Variants in CEP250 observed in about 807,000 individuals in gnomAD.
CEP250 encodes centrosomal protein 250.
Under a neutral mutation model 315.7 loss-of-function variants are expected in CEP250, and 242 were observed. That is an observed-to-expected ratio of 0.77 (90% CI 0.69 to 0.85). The LOEUF is 0.85. Ranked by LOEUF, CEP250 falls within the 40% of genes least tolerant of loss-of-function variation. The pLI is 0.00. For synonymous variants in CEP250, 1,088 were observed against 1,175.0 expected, an observed-to-expected ratio of 0.93 and a Z score of 1.51; for missense variants, 2,515 against 2,886.4, an observed-to-expected ratio of 0.87 and a Z score of 2.95.
At position 35,503,675 on chromosome 20, in the gene CEP250, C is replaced by A; in HGVS notation, c.5306C>A (p.Thr1769Asn). The change falls in exon 30 of 35, where the codon ACC becomes AAC. Residue 1769 changes from threonine (T) to asparagine (N), a missense_variant. Physicochemically the swap from Thr to Asn is moderately conservative, Grantham distance 65. Transcript: ENST00000397527. The surrounding 1 kb of genome is among the most constrained non-coding windows in gnomAD (Gnocchi z 4.2). ...GGCCTGCACAGGAAGGTAGGTGAGACCAGCCTCCTCCTGTCCCAGCGAGAG... is the reference window on the plus strand; with the variant it reads ...GGCCTGCACAGGAAGGTAGGTGAGAACAGCCTCCTCCTGTCCCAGCGAGAG... ...LQGLHRKVGE[T>N]SLLLSQREQE... 6.2e-7 allele frequency: 1 copy of A among 1,614,004 alleles called. No individual in the cohort carries two copies. Among genetic ancestry groups the A allele is most frequent in the South Asian group, 1.1e-5 (1 of 91,076 alleles).
intron 15 of CEP250, 39 bp from the exon 16 acceptor site, chr20:35,476,409 AT>A: frequency 6.3e-7 from 1 of 1,592,334 alleles, no homozygotes; most frequent in Non-Finnish European, 8.6e-7. Flanking sequence ...TTCCAGGAAA[AT>A]TGGAAATATG....
intron 25 of CEP250, among the ~76,000 whole-genome samples, chr20:35,497,358 ACAATAAGCATT>A (rs2063867031): frequency 6.6e-6 from 1 of 152,254 alleles, no homozygotes; most frequent in African/African-American, 2.4e-5. Context: ...TGTCAGGAAC[ACAATAAGCATT>A]CAATACATGG....
At chr20:35,483,347 A>G (rs866084536) in intron 20 of CEP250, among the ~76,000 whole-genome samples, 1 of 144,922 alleles carries the variant, frequency 6.9e-6, no homozygotes, top group Non-Finnish European at 1.5e-5. Context: ...TTTTTTTTTT[A>G]AATTTATTTT....
At position 35,497,735 on chromosome 20, in the gene CEP250, A is replaced by C. The variant is rs1003254873; in HGVS notation, c.3323A>C (p.Gln1108Pro). The change falls in exon 26 of 35, where the codon CAA becomes CCA. Residue 1108 changes from glutamine (Q) to proline (P), a missense_variant. Coordinates refer to ENST00000397527, the MANE Select transcript of CEP250 (RefSeq NM_007186.6). ...ELSAQMELLR[Q>P]EVKEKEADFL... The stretch of plus-strand genomic sequence containing the variant: ...CCTTGACAGATGGAATTACTAAGGC[A>C]AGAGGTGAAGGAAAAGGAGGCTGAC... The C allele has an allele frequency of 2.6e-6, 4 of 1,554,054 alleles. No individual in the cohort carries two copies. In the African/African-American group the frequency reaches 5.5e-5, roughly 21 times the overall value.
In CEP250 at chr20:35,496,711, C is replaced by T. The variant is rs756857780; in HGVS notation, c.3302C>T (p.Ala1101Val). The change falls in exon 25 of 35, where the codon GCT (alanine) becomes GTT (valine). Residue 1101 changes from alanine to valine, a missense_variant. By Grantham distance (64) the Ala-to-Val change is moderately conservative. Coordinates refer to ENST00000397527, the MANE Select transcript of CEP250 (RefSeq NM_007186.6). Reference sequence around the variant, plus strand: ...CAGGGAGAACAGAAAGAGCTCAGTGCTCAGGTACTTCCCACTCTGGTTATG... The same window carrying T: ...CAGGGAGAACAGAAAGAGCTCAGTGTTCAGGTACTTCCCACTCTGGTTATG... Reference protein sequence around the residue: ...EAQGEQKELSAQMELLRQEVK... With the variant: ...EAQGEQKELSVQMELLRQEVK... 3 of 1,612,870 alleles carry T rather than the reference C, an allele frequency of 1.9e-6. No homozygotes were observed. The highest frequency in any genetic ancestry group is 1.7e-5 in the Admixed American group (1 of 59,722).
rs1015118657 is a variant in CEP250, at chr20:35,503,963, A to G, written c.5594A>G (p.Lys1865Arg). ...CGTCATGGAGAGCTTCAGGACCACA[A>G]GGAACAGGCACGAAGGCTGGAGGAA... ...KERHGELQDH[K>R]EQARRLEEEL... Residue 1865 changes from lysine (K) to arginine (R), a missense_variant, in exon 30 of 35, where the codon AAG becomes AGG. Transcript: ENST00000397527. This position sits in a 1 kb window ranked among gnomAD's most constrained non-coding sequence, Gnocchi z 4.2. 2.5e-6 allele frequency: 4 copies of G among 1,612,334 alleles called. No homozygotes were observed. The highest frequency in any genetic ancestry group is 1.1e-5 in the South Asian group (1 of 90,962).
rs2064439712 is a variant in CEP250, at chr20:35,516,780, C to A, written c.*5154C>A. On this transcript the variant is annotated 3_prime_UTR_variant, in exon 35 of 35. Transcript: ENST00000397527. ...GGAGAGTCAAACAGAGCATCTTGGACAAAGAGAGGGCTTGAAGGCCCTTTC... is the reference window on the plus strand; with the variant it reads ...GGAGAGTCAAACAGAGCATCTTGGAAAAAGAGAGGGCTTGAAGGCCCTTTC... 1 of 155,672 alleles carries A rather than the reference C, an allele frequency of 6.4e-6. No individual in the cohort carries two copies. Among genetic ancestry groups the A allele is most frequent in the African/African-American group, 2.4e-5 (1 of 41,498 alleles). 9.6% of individuals were successfully genotyped at this position (155,672 alleles called of 1,614,324 possible).
Position 35,511,359 on chromosome 20 carries a change from C to CTG in CEP250, c.7066-4_7066-3insTG. 1 of 1,587,552 alleles carries CTG rather than the reference C, an allele frequency of 6.3e-7. No individual in the cohort carries two copies. Among genetic ancestry groups the CTG allele is most frequent in the Non-Finnish European group, 8.6e-7 (1 of 1,164,532 alleles). On this transcript the variant is annotated splice_region_variant and splice_polypyrimidine_tract_variant and intron_variant, in intron 34 of 34. Transcript: ENST00000397527. ...CGCTTTTTTTTTTTTTTCCTGCCCA[C>CTG]CAGGTGGTCCTGCTGCAAGCTCAGC...
intron 18 of CEP250, 109 bp from the exon 19 acceptor site, chr20:35,479,537 A>G (rs2063279742): frequency 1.9e-6 from 3 of 1,544,850 alleles, no homozygotes; most frequent in Non-Finnish European, 2.6e-6. Flanking sequence ...TGAATTTATA[A>G]TTGCCCCCCT....
intron 20 of CEP250, among the ~76,000 whole-genome samples, chr20:35,488,328 C>T (rs370076412): frequency 6.2e-4 from 95 of 152,326 alleles, no homozygotes; most frequent in African/African-American, 2.2e-3. Context: ...GAGCTATACC[C>T]GCTGTCTTTG....
chr20:35,466,466 CG>C (rs2062880253), intron 7 of CEP250, among the ~76,000 whole-genome samples: 1 of 152,072 alleles, frequency 6.6e-6, no homozygotes, highest in African/African-American at 2.4e-5. Flanking sequence ...GCAGCAGTGA[CG>C]AGCTTAGGTT....
chr20:35,473,709 A>C (rs938532708), intron 13 of CEP250, among the ~76,000 whole-genome samples, 157 bp downstream of exon 13: 16 of 152,218 alleles, frequency 1.1e-4, no homozygotes, highest in African/African-American at 3.9e-4. Context: ...GTTTCTCCAG[A>C]ACAAGCTTTT....
rs1048383542 is a variant in CEP250 at position 35,519,148 on chromosome 20, T to TGTTA, written c.*7526_*7529dup. On this transcript the variant is annotated 3_prime_UTR_variant, in exon 35 of 35. Coordinates refer to ENST00000397527, the MANE Select transcript of CEP250 (RefSeq NM_007186.6). ...GAGGGAGAAAATGTACTTTGTAAAC[T>TGTTA]GTTAGTTCAATGAGGTTATGATTGC... 6.6e-6 allele frequency: 1 copy of TGTTA among 152,180 alleles called. No homozygotes were observed. Among genetic ancestry groups the TGTTA allele is most frequent in the African/African-American group, 2.4e-5 (1 of 41,458 alleles). 9.4% of individuals were successfully genotyped at this position (152,180 alleles called of 1,614,324 possible).
At chr20:35,466,630 G>T (rs2062884262) in intron 7 of CEP250, among the ~76,000 whole-genome samples, 1 of 152,122 alleles carries the variant, frequency 6.6e-6, no homozygotes, top group African/African-American at 2.4e-5. Flanking sequence ...AATGTTTCCT[G>T]CATTTTTGCT....
chr20:35,502,028 G>A, intron 29 of CEP250, 62 bp downstream of exon 29: 1 of 1,564,138 alleles, frequency 6.4e-7, no homozygotes, highest in Non-Finnish European at 8.6e-7. Context: ...GGCCCACCTT[G>A]GCCTGTGGTC....
intron 28 of CEP250, among the ~76,000 whole-genome samples, chr20:35,500,686 C>T (rs1249363524): frequency 1.3e-5 from 2 of 152,246 alleles, no homozygotes; most frequent in African/African-American, 4.8e-5. Context: ...GCTAGGATTA[C>T]AGGCGTGAGC....
chr20:35,500,602 G>A (rs1312257424), intron 28 of CEP250, among the ~76,000 whole-genome samples: 3 of 152,208 alleles, frequency 2.0e-5, no homozygotes, highest in South Asian at 2.1e-4. Flanking sequence ...ACCAGGCAGC[G>A]CTGGGGCTGG....
At chr20:35,489,341 C>T (rs2063616924) in intron 20 of CEP250, among the ~76,000 whole-genome samples, 1 of 152,192 alleles carries the variant, frequency 6.6e-6, no homozygotes, top group African/African-American at 2.4e-5. Context: ...TAAGCAACGA[C>T]AAACTTACAA....
chr20:35,477,980 G>A lies in CEP250; in HGVS notation c.1973G>A (p.Trp658Ter). Reference sequence around the variant, plus strand: ...GCAGAGAAGAGGAGGGAAGCCCTGTGGGAAAAGAACACTCACCTGGAGGCT... The same window carrying A: ...GCAGAGAAGAGGAGGGAAGCCCTGTAGGAAAAGAACACTCACCTGGAGGCT... ...AEAEKRREAL[W>*]EKNTHLEAQL... Residue 658 changes from tryptophan (W) to a stop codon, truncating the protein, a stop_gained, in exon 17 of 35, where the codon TGG becomes TAG. Coordinates refer to ENST00000397527, the MANE Select transcript of CEP250 (RefSeq NM_007186.6). LOFTEE classifies it high-confidence loss of function. The A allele has an allele frequency of 6.2e-7, 1 of 1,613,792 alleles. No individual in the cohort carries two copies. Among genetic ancestry groups the A allele is most frequent in the Non-Finnish European group, 8.5e-7 (1 of 1,179,914 alleles).
Sources: gnomAD v4.1 joint callset for allele counts (sites outside exome capture counted in the v4.1 genomes callset) on GRCh38, gnomAD v4.1.1 for gene constraint, Gnocchi (gnomAD v3.1) non-coding constraint, MANE v1.5 for transcripts, NCBI Gene and HGNC (gene_info 2026-07-23, HGNC 2026-07-21) for gene names.